ME1: variants seen among roughly 807,000 people sequenced by gnomAD.
The protein encoded by ME1 is malic enzyme 1.
ME1 carries 74 observed loss-of-function variants against 66.4 expected under a neutral mutation model. The observed-to-expected ratio is 1.11, with a 90% CI of 0.92 to 1.35. The LOEUF (loss-of-function observed/expected upper bound fraction) is 1.35. ME1 is among the 40% of genes most tolerant of loss of function. The probability of loss-of-function intolerance (pLI) is 0.00; values close to 1 mark genes in which losing one functional copy is unlikely to be tolerated. For synonymous variants in ME1, 251 were observed against 235.6 expected, an observed-to-expected ratio of 1.07 and a Z score of -0.60; for missense variants, 750 against 694.1, an observed-to-expected ratio of 1.08 and a Z score of -0.90.
chr6:83,341,330 T>C (rs930860560), intron 5 of ME1, among the ~76,000 whole-genome samples: 3 of 152,214 alleles, frequency 2.0e-5, no homozygotes, highest in Non-Finnish European at 4.4e-5. Context: ...TGTGTATCTT[T>C]AGCCCATAAT....
intron 7 of ME1, among the ~76,000 whole-genome samples, chr6:83,246,042 A>G (rs568220816): frequency 6.6e-6 from 1 of 152,298 alleles, no homozygotes; most frequent in African/African-American, 2.4e-5. Context: ...CTTGTCTGCT[A>G]CGATCAGTTA....
intron 6 of ME1, among the ~76,000 whole-genome samples, chr6:83,314,398 G>T (rs191593470): frequency 1.3e-5 from 2 of 152,200 alleles, no homozygotes; most frequent in East Asian, 1.9e-4. Flanking sequence ...TACTGTTAAG[G>T]ATTTATGCAT....
chr6:83,221,233 G>A (rs1790086324), intron 12 of ME1, among the ~76,000 whole-genome samples: 1 of 152,108 alleles, frequency 6.6e-6, no homozygotes, highest in Admixed American at 6.6e-5. Context: ...TCTCAGGAGT[G>A]TATCATAACC....
chr6:83,216,871 A>G (rs1790004399), intron 12 of ME1, among the ~76,000 whole-genome samples: 1 of 152,184 alleles, frequency 6.6e-6, no homozygotes, highest in Admixed American at 6.6e-5. Context: ...ATGAAATGCT[A>G]GATACTTTCC....
rs545813029 is a variant in ME1 at position 83,366,323 on chromosome 6, A to G, written c.363-14184T>C. Among the ~76,000 whole-genome samples, 12 of 152,272 alleles carry G rather than the reference A, an allele frequency of 7.9e-5. No individual in the cohort carries two copies. In the East Asian group the frequency reaches 2.3e-3, roughly 29 times the overall value. ...CTCTTGGAAATATTTCCTGACCCAC[A>G]TTCTCAATCTGAGTTTGGAATCCCT... is the stretch of plus-strand genomic sequence containing the variant. On this transcript the variant is annotated intron_variant, in intron 3 of 13. Coordinates refer to ENST00000369705, the MANE Select transcript of ME1 (RefSeq NM_002395.6).
At chr6:83,415,208 T>C (rs1001467810) in intron 1 of ME1, among the ~76,000 whole-genome samples, 1 of 152,216 alleles carries the variant, frequency 6.6e-6, no homozygotes, top group African/African-American at 2.4e-5. Context: ...TTCTTAACTC[T>C]TCAAGCTAAT....
intron 1 of ME1, among the ~76,000 whole-genome samples, chr6:83,409,985 G>A (rs996893172): frequency 2.0e-5 from 3 of 152,182 alleles, no homozygotes; most frequent in African/African-American, 7.2e-5. Flanking sequence ...CTAAATGGCA[G>A]ATGGTACAAT....
chr6:83,305,476 T>C (rs112962620), intron 6 of ME1, among the ~76,000 whole-genome samples: 135 of 152,232 alleles, frequency 8.9e-4, no homozygotes, highest in African/African-American at 3.1e-3. Flanking sequence ...AGCTAATATA[T>C]GAAAAAGATT....
At chr6:83,302,666 C>T (rs1767749101) in intron 6 of ME1, among the ~76,000 whole-genome samples, 1 of 152,022 alleles carries the variant, frequency 6.6e-6, no homozygotes, top group Admixed American at 6.6e-5. Flanking sequence ...AGATATTTAA[C>T]CTGAGTTATG....
chr6:83,220,669 G>A (rs542233288), intron 12 of ME1, among the ~76,000 whole-genome samples: 1 of 152,210 alleles, frequency 6.6e-6, no homozygotes, highest in African/African-American at 2.4e-5. Context: ...TAGACAAGAA[G>A]TACTTTTCTT....
At chr6:83,234,760 C>A (rs894209577) in intron 9 of ME1, among the ~76,000 whole-genome samples, 1 of 130,702 alleles carries the variant, frequency 7.7e-6, no homozygotes. Context: ...AGAGGCAAAC[C>A]CCCCTGCACA....
At chr6:83,371,699 T>C (rs936623978) in intron 3 of ME1, among the ~76,000 whole-genome samples, 11 of 152,138 alleles carry the variant, frequency 7.2e-5, no homozygotes, top group Non-Finnish European at 1.5e-4. Context: ...TCCCTTCAAT[T>C]CTACTCTATA....
intron 6 of ME1, among the ~76,000 whole-genome samples, chr6:83,270,396 T>G (rs555229508): frequency 4.0e-5 from 6 of 150,846 alleles, no homozygotes; most frequent in Admixed American, 2.7e-4. Flanking sequence ...CCCTAACGCC[T>G]TCTCAAAAAT....
At chr6:83,256,371 T>C (rs1430631339) in intron 6 of ME1, among the ~76,000 whole-genome samples, 1 of 151,922 alleles carries the variant, frequency 6.6e-6, no homozygotes. Flanking sequence ...TAAGAGAAAA[T>C]AACTGTCATC....
chr6:83,220,476 A>G (rs775855471), intron 12 of ME1, among the ~76,000 whole-genome samples: 2 of 152,242 alleles, frequency 1.3e-5, no homozygotes, highest in East Asian at 1.9e-4. Context: ...AAATCTCTTC[A>G]TGATATAAAA....
At position 83,214,812 on chromosome 6, in the gene ME1, C is replaced by T. The variant is rs1450609094; in HGVS notation, c.1548+1686G>A. On this transcript the variant is annotated intron_variant, in intron 13 of 13. Transcript: ENST00000369705. ...GCCATTGATACCTCAAACTTGCAGT[C>T]CACTTACATGATCTCCCTCTCTGAA... is the stretch of plus-strand genomic sequence containing the variant. Among the ~76,000 whole-genome samples, 3 of 152,014 alleles carry T rather than the reference C, an allele frequency of 2.0e-5. 1 individual carries two copies. The highest frequency in any genetic ancestry group is 7.3e-5 in the African/African-American group (3 of 41,372).
chr6:83,428,011 C>CA (rs57471870), intron 1 of ME1, among the ~76,000 whole-genome samples: 17,292 of 122,146 alleles, frequency 0.14, 2,239 homozygotes, highest in African/African-American at 0.36. Context: ...GGCTCTGTCT[C>CA]AAAAAAAAAA....
At chr6:83,323,242 T>C (rs529229109) in intron 5 of ME1, among the ~76,000 whole-genome samples, 1 of 152,198 alleles carries the variant, frequency 6.6e-6, no homozygotes, top group African/African-American at 2.4e-5. Flanking sequence ...GGAAACTGTA[T>C]CAACTAATGG....
intron 5 of ME1, among the ~76,000 whole-genome samples, chr6:83,328,341 A>G (rs1333564349): frequency 2.6e-5 from 4 of 152,190 alleles, no homozygotes; most frequent in African/African-American, 9.6e-5. Flanking sequence ...GGGGAGGGAT[A>G]GCATTAGGAA....
Sources: allele counts gnomAD v4.1 joint callset (sites outside exome capture counted in the v4.1 genomes callset), GRCh38; gene constraint gnomAD v4.1.1; transcripts MANE v1.5; gene names NCBI Gene and HGNC (gene_info 2026-07-23, HGNC 2026-07-21).